The following PPP1R1C variants were observed in gnomAD, a reference collection of about 807,000 sequenced individuals.
PPP1R1C encodes protein phosphatase 1 regulatory inhibitor subunit 1C, also known as protein phosphatase 1 regulatory subunit 1C.
A neutral mutation model predicts 17.4 loss-of-function variants in PPP1R1C; 15 were observed. The ratio of observed to expected loss-of-function variants is 0.86; its 90% CI spans 0.58 to 1.33. The LOEUF (loss-of-function observed/expected upper bound fraction) is 1.33. Among genes scored for constraint, PPP1R1C ranks in the 40% most tolerant of loss-of-function variants. The pLI is 0.00. For synonymous variants in PPP1R1C, 35 were observed against 43.1 expected (o/e 0.81, Z 0.73); for missense variants, 143 against 130.0 (o/e 1.10, Z -0.48).
Position 181,978,086 on chromosome 2 carries a change from T to C in PPP1R1C, n.157+2822T>C, listed in dbSNP as rs1027748540. Among the ~76,000 whole-genome samples, 63 of 152,210 alleles carry C rather than the reference T, an allele frequency of 4.1e-4. 2 individuals are homozygous for C. Among genetic ancestry groups the C allele is most frequent in the Non-Finnish European group, 1.3e-4 (9 of 68,038 alleles). On this transcript the variant is annotated intron_variant and non_coding_transcript_variant, in intron 2 of 5. Coordinates refer to the PPP1R1C transcript ENST00000464264. ...AAAGAAAGAACAAAGGGATGTCTTA[T>C]ATGGCGGCAGGCAAGGGGGCTTGTG...
At chr2:181,964,813 C>A (rs1354880651) in intron 1 of PPP1R1C, among the ~76,000 whole-genome samples, 1 of 152,192 alleles carries the variant, frequency 6.6e-6, no homozygotes, top group African/African-American at 2.4e-5. Context: ...TCAAGAGATT[C>A]TCCTGCCACA....
chr2:182,065,382 T>C (rs946349413), intron 4 of PPP1R1C, among the ~76,000 whole-genome samples: 2 of 152,260 alleles, frequency 1.3e-5, no homozygotes, highest in Admixed American at 6.6e-5. Flanking sequence ...ATAAATATTT[T>C]AAGACAAAAT....
chr2:181,972,337 G>A (rs558208164), intron 1 of PPP1R1C, among the ~76,000 whole-genome samples: 4 of 152,264 alleles, frequency 2.6e-5, no homozygotes, highest in African/African-American at 9.6e-5. Context: ...TGTGATGTAC[G>A]AAAAATGGCG....
At chr2:182,015,479 C>G (rs1686236181) in intron 2 of PPP1R1C, among the ~76,000 whole-genome samples, 2 of 152,102 alleles carry the variant, frequency 1.3e-5, no homozygotes. Flanking sequence ...CAGAGTCTCT[C>G]CCTCTGTATT....
chr2:181,977,008 C>T (rs1685102659), intron 2 of PPP1R1C, among the ~76,000 whole-genome samples: 2 of 151,608 alleles, frequency 1.3e-5, no homozygotes, highest in African/African-American at 4.8e-5. Context: ...CATGGTGACA[C>T]ATGCCTGTAA....
chr2:182,039,608 C>T (rs1344606432), intron 2 of PPP1R1C, among the ~76,000 whole-genome samples: 1 of 152,126 alleles, frequency 6.6e-6, no homozygotes, highest in Non-Finnish European at 1.5e-5. Flanking sequence ...TGGTCTTGAA[C>T]TCCCAGGCTT....
At chr2:182,011,708 G>T (rs1686091593) in intron 2 of PPP1R1C, among the ~76,000 whole-genome samples, 1 of 151,934 alleles carries the variant, frequency 6.6e-6, no homozygotes, top group South Asian at 2.1e-4. Flanking sequence ...GCATTGTAAG[G>T]TTGGTTATTT....
intron 2 of PPP1R1C, among the ~76,000 whole-genome samples, chr2:182,031,702 A>G (rs532994083): frequency 5.9e-5 from 9 of 152,318 alleles, no homozygotes; most frequent in South Asian, 2.1e-4. Flanking sequence ...CTCTTTGACC[A>G]CACACATTGT....
At chr2:182,115,980 A>G (rs189574674) in intron 4 of PPP1R1C, among the ~76,000 whole-genome samples, 1 of 152,308 alleles carries the variant, frequency 6.6e-6, no homozygotes, top group East Asian at 1.9e-4. Context: ...TGCCCACGTT[A>G]ACTATCACTA....
intron 2 of PPP1R1C, among the ~76,000 whole-genome samples, chr2:182,023,573 T>C (rs975131607): frequency 6.6e-6 from 1 of 152,156 alleles, no homozygotes; most frequent in Admixed American, 6.5e-5. Flanking sequence ...ACATTGATGA[T>C]CCAACAACAA....
chr2:181,959,721 A>G (rs531001246), intron 1 of PPP1R1C, among the ~76,000 whole-genome samples: 4 of 152,298 alleles, frequency 2.6e-5, no homozygotes, highest in African/African-American at 9.6e-5. Flanking sequence ...CTGAAACCTG[A>G]TAGCAGGTGA....
chr2:182,051,533 C>T (rs905617122), intron 2 of PPP1R1C, among the ~76,000 whole-genome samples: 2 of 152,050 alleles, frequency 1.3e-5, no homozygotes, highest in African/African-American at 2.4e-5. Context: ...AAAACGGTCA[C>T]GAAATAACTT....
intron 2 of PPP1R1C, among the ~76,000 whole-genome samples, chr2:182,029,525 A>G (rs2125169665): frequency 6.7e-6 from 1 of 148,286 alleles, no homozygotes; most frequent in Non-Finnish European, 1.5e-5. Flanking sequence ...TTCTTTAAGA[A>G]TGTTGAATAT....
At chr2:182,032,666 C>G (rs1574396140) in intron 2 of PPP1R1C, among the ~76,000 whole-genome samples, 2 of 152,128 alleles carry the variant, frequency 1.3e-5, no homozygotes, top group South Asian at 4.1e-4. Flanking sequence ...GGTTCAGGTT[C>G]TAGTTCCACT....
chr2:182,066,802 C>T (rs139748152), intron 4 of PPP1R1C, among the ~76,000 whole-genome samples: 231 of 152,228 alleles, frequency 1.5e-3, no homozygotes, highest in Non-Finnish European at 2.6e-3. Flanking sequence ...GTACATTTCT[C>T]TGGTGTTTAT....
intron 2 of PPP1R1C, chr2:181,975,311 C>T (rs1685077679): frequency 1.3e-5 from 2 of 150,962 alleles, no homozygotes; most frequent in Admixed American, 1.3e-4. Flanking sequence ...TCAAGTCTTC[C>T]CTGATTGATA....
chr2:182,074,440 C>T (rs1466417263), intron 4 of PPP1R1C, among the ~76,000 whole-genome samples: 3 of 152,132 alleles, frequency 2.0e-5, no homozygotes, highest in African/African-American at 7.2e-5. Flanking sequence ...ACCAATCTTT[C>T]TTTTTCTTTC....
intron 2 of PPP1R1C, among the ~76,000 whole-genome samples, chr2:182,011,776 G>A (rs919906917): frequency 3.9e-5 from 6 of 151,940 alleles, no homozygotes; most frequent in Non-Finnish European, 8.8e-5. Flanking sequence ...TCTTAGTACT[G>A]TTTTTGCTGT....
intron 4 of PPP1R1C, among the ~76,000 whole-genome samples, chr2:182,081,512 C>G (rs1688474834): frequency 6.6e-6 from 1 of 152,032 alleles, no homozygotes; most frequent in African/African-American, 2.4e-5. Flanking sequence ...CTAGATTAAT[C>G]AACATATATT....
Sources: allele counts gnomAD v4.1 joint callset (sites outside exome capture counted in the v4.1 genomes callset), GRCh38; gene constraint gnomAD v4.1.1; transcripts MANE v1.5; gene names NCBI Gene and HGNC (gene_info 2026-07-23, HGNC 2026-07-21).